Variants in RAI1 observed in about 807,000 individuals in gnomAD.
RAI1 encodes the protein retinoic acid-induced protein 1.
Under a neutral mutation model 123.8 loss-of-function variants are expected in RAI1, and 9 were observed. The ratio of observed to expected loss-of-function variants is 0.07; its 90% CI spans 0.04 to 0.13. RAI1 has a LOEUF of 0.13. Ranked by LOEUF, RAI1 falls within the 10% of genes least tolerant of loss-of-function variation. RAI1 has a pLI of 1.00. For missense variants in RAI1, 2,256 were observed against 2,545.8 expected (o/e 0.89, Z 2.45); for synonymous variants, 1,231 against 1,127.3 (o/e 1.09, Z -1.84).
At chr17:17,707,805 G>T (rs374095011) in intron 1 of RAI1, among the ~76,000 whole-genome samples, 1 of 152,126 alleles carries the variant, frequency 6.6e-6, no homozygotes, top group African/African-American at 2.4e-5. Context: ...TGTTGCCCAG[G>T]CTGGTCTCAA....
At chr17:17,684,032 C>G (rs557959451) in intron 1 of RAI1, 1 of 152,138 alleles carries the variant, frequency 6.6e-6, no homozygotes, top group Admixed American at 6.5e-5. Flanking sequence ...CGACACCACA[C>G]GTAGCTAATT....
intron 2 of RAI1, among the ~76,000 whole-genome samples, chr17:17,786,412 C>T (rs1431342063): frequency 6.6e-6 from 1 of 152,206 alleles, no homozygotes; most frequent in Non-Finnish European, 1.5e-5. Context: ...AATCCTTGCT[C>T]TCATGGAACT....
intron 2 of RAI1, among the ~76,000 whole-genome samples, chr17:17,783,834 C>T (rs1449588511): frequency 6.6e-6 from 1 of 152,166 alleles, no homozygotes; most frequent in African/African-American, 2.4e-5. Context: ...TTGTCAGAGC[C>T]GGCCCCGCTT....
At chr17:17,750,424 C>T (rs151162479) in intron 2 of RAI1, among the ~76,000 whole-genome samples, 63 of 152,194 alleles carry the variant, frequency 4.1e-4, no homozygotes, top group African/African-American at 1.5e-3. Context: ...GGAAAATACC[C>T]ATTAGAAACA....
chr17:17,699,679 T>TC (rs1915151502), intron 1 of RAI1, among the ~76,000 whole-genome samples: 2 of 152,134 alleles, frequency 1.3e-5, no homozygotes, highest in South Asian at 4.2e-4. Flanking sequence ...TTGAGTGACT[T>TC]CATTTCCAAT....
rs528814953 is a variant in RAI1 at position 17,787,272 on chromosome 17, G to A, written c.-16-5661G>A. ...TGTCTGATGGCATCAGCCTGGCCTC[G>A]TGGGGGAAGGACAGGGGCTGTGTCC... On this transcript the variant is annotated intron_variant, in intron 2 of 5. Transcript: ENST00000353383. 3.3e-5 allele frequency among the ~76,000 whole-genome samples: 5 copies of A among 152,284 alleles called. No homozygotes were observed. The South Asian group carries it at 1.0e-3, about 32-fold the overall frequency.
At chr17:17,743,907 G>A (rs993575738) in intron 2 of RAI1, among the ~76,000 whole-genome samples, 6 of 152,236 alleles carry the variant, frequency 3.9e-5, no homozygotes, top group African/African-American at 7.2e-5. Flanking sequence ...TGGCTGGGCC[G>A]TAGGAGAGCG....
chr17:17,724,546 G>T (rs1598036486), intron 2 of RAI1, among the ~76,000 whole-genome samples: 1 of 152,114 alleles, frequency 6.6e-6, no homozygotes, highest in African/African-American at 2.4e-5. Context: ...CTGAGATGGC[G>T]GGGCTGGTGG....
intron 1 of RAI1, among the ~76,000 whole-genome samples, chr17:17,686,262 G>C (rs1362572920): frequency 6.6e-6 from 1 of 150,822 alleles, no homozygotes; most frequent in East Asian, 2.0e-4. Context: ...GGCATGCTCA[G>C]GTCTGTGTGG....
chr17:17,708,746 C>G (rs1915471565), intron 1 of RAI1, among the ~76,000 whole-genome samples: 2 of 152,188 alleles, frequency 1.3e-5, no homozygotes, highest in South Asian at 4.1e-4. Context: ...GGGGACAGAG[C>G]AATGGTCCAG....
chr17:17,778,155 C>G (rs2031420394), intron 2 of RAI1: 3 of 153,480 alleles, frequency 2.0e-5, no homozygotes. Flanking sequence ...CCAGGATGTA[C>G]ACTTTAATGT....
intron 1 of RAI1, among the ~76,000 whole-genome samples, chr17:17,703,349 G>C (rs1056872569): frequency 6.6e-6 from 1 of 152,210 alleles, no homozygotes; most frequent in African/African-American, 2.4e-5. Context: ...CAAAACCTGG[G>C]GAATAGAGCG....
intron 2 of RAI1, among the ~76,000 whole-genome samples, chr17:17,770,313 C>T (rs900745366): frequency 3.3e-5 from 5 of 150,382 alleles, no homozygotes; most frequent in African/African-American, 7.3e-5. Context: ...TTAATGGCCC[C>T]GAAAAAAAAA....
chr17:17,801,328 A>G lies in RAI1; in HGVS notation c.5566-2428A>G, dbSNP rs1461826851. On this transcript the variant is annotated intron_variant, in intron 3 of 5. Coordinates refer to ENST00000353383, the MANE Select transcript of RAI1 (RefSeq NM_030665.4). The surrounding 1 kb of genome is among the most constrained non-coding windows in gnomAD (Gnocchi z 4.1). ...AGGCCCCACCTGTGGCAGGGTTTAC[A>G]TGCCGCCACCCCTGCCCTCCTCTTG... 6.6e-6 allele frequency among the ~76,000 whole-genome samples: 1 copy of G among 152,102 alleles called. No individual in the cohort carries two copies. Among genetic ancestry groups the G allele is most frequent in the East Asian group, 1.9e-4 (1 of 5,188 alleles).
Position 17,796,387 on chromosome 17 carries a change from C to T in RAI1, c.3439C>T (p.Arg1147Trp), listed in dbSNP as rs1467565911. The change falls in exon 3 of 6, where the codon CGG (arginine) becomes TGG (tryptophan). Residue 1147 changes from arginine (R) to tryptophan (W), a missense_variant. Transcript: ENST00000353383. The surrounding 1 kb of genome is among the most constrained non-coding windows in gnomAD (Gnocchi z 5.8). ...CAAGGACCAGCGCTCCATGATCCTTCGGTCACGCACCAAAACCCAGGAGAT... is the reference window on the plus strand; with the variant it reads ...CAAGGACCAGCGCTCCATGATCCTTTGGTCACGCACCAAAACCCAGGAGAT... ...PGKDQRSMIL[R>W]SRTKTQEIFH... 2.5e-6 allele frequency: 4 copies of T among 1,613,714 alleles called. No individual in the cohort carries two copies. Among genetic ancestry groups the T allele is most frequent in the Non-Finnish European group, 3.4e-6 (4 of 1,180,010 alleles).
chr17:17,804,307 A>G (rs1215709006), intron 4 of RAI1, among the ~76,000 whole-genome samples: 1 of 152,212 alleles, frequency 6.6e-6, no homozygotes, highest in African/African-American at 2.4e-5. Context: ...ACTGAGACCC[A>G]TGGAGCAATT....
intron 2 of RAI1, among the ~76,000 whole-genome samples, chr17:17,764,872 G>A (rs1316891941): frequency 6.6e-6 from 1 of 152,266 alleles, no homozygotes; most frequent in Non-Finnish European, 1.5e-5. Flanking sequence ...TTATAGGCAT[G>A]AGCCACCGCG....
chr17:17,725,881 T>G (rs1002390803), intron 2 of RAI1, among the ~76,000 whole-genome samples: 3 of 152,072 alleles, frequency 2.0e-5, no homozygotes, highest in Non-Finnish European at 2.9e-5. Flanking sequence ...GCGGCTAGAC[T>G]GTGTTCAGGC....
At chr17:17,724,941 CCA>C (rs1423007160) in intron 2 of RAI1, among the ~76,000 whole-genome samples, 7 of 152,184 alleles carry the variant, frequency 4.6e-5, no homozygotes, top group Admixed American at 4.6e-4. Flanking sequence ...GCCCTGCGCC[CCA>C]GTCTCACGCG....
Sources: allele counts gnomAD v4.1 joint callset (sites outside exome capture counted in the v4.1 genomes callset), GRCh38; gene constraint gnomAD v4.1.1; non-coding constraint Gnocchi (gnomAD v3.1); transcripts MANE v1.5; gene names NCBI Gene and HGNC (gene_info 2026-07-23, HGNC 2026-07-21).